CORIN: variants seen among roughly 807,000 people sequenced by gnomAD.
CORIN encodes the protein corin, serine peptidase, also known as atrial natriuretic peptide-converting enzyme.
CORIN carries 117 observed loss-of-function variants against 125.3 expected under a neutral mutation model. The ratio of observed to expected loss-of-function variants is 0.93; its 90% CI spans 0.80 to 1.09. The LOEUF is 1.09. Ranked by LOEUF, CORIN falls within the 50% of genes least tolerant of loss-of-function variation. The pLI, the probability that CORIN is intolerant of heterozygous loss-of-function variation, is 0.00. For synonymous variants in CORIN, 450 were observed against 466.4 expected (o/e 0.96, Z 0.45); for missense variants, 1,253 against 1,306.7 (o/e 0.96, Z 0.63).
chr4:47,755,557 A>G (rs1729098457), intron 4 of CORIN, among the ~76,000 whole-genome samples: 1 of 152,236 alleles, frequency 6.6e-6, no homozygotes, highest in African/African-American at 2.4e-5. Context: ...GAAGAAGCAC[A>G]GAGCTGCTAA....
In CORIN at chr4:47,786,853, G is replaced by A. The variant is rs1730838403; in HGVS notation, c.281C>T (p.Ser94Phe). The change falls in exon 3 of 22, where the codon TCC becomes TTC. Residue 94 changes from serine (S) to phenylalanine (F), a missense_variant. Transcript: ENST00000273857. ...AATTGTATTTGTAAGAATAACATCG[G>A]ACCCTTGGATTTCACCATCAGTGAC... ...PLVTDGEIQG[S>F]DVILTNTIYN... 3.7e-6 allele frequency: 6 copies of A among 1,613,736 alleles called. No individual in the cohort carries two copies. The highest frequency in any genetic ancestry group is 5.1e-6 in the Non-Finnish European group (6 of 1,179,710).
intron 16 of CORIN, among the ~76,000 whole-genome samples, chr4:47,629,913 A>C (rs2109575342): frequency 6.6e-6 from 1 of 152,222 alleles, no homozygotes; most frequent in Non-Finnish European, 1.5e-5. Flanking sequence ...AACATGCCCA[A>C]GGCACAAAAC....
intron 6 of CORIN, among the ~76,000 whole-genome samples, chr4:47,692,249 C>T (rs1183226213): frequency 1.3e-5 from 2 of 152,186 alleles, no homozygotes; most frequent in African/African-American, 4.8e-5. Flanking sequence ...GGAGATACTT[C>T]TGTTTTGAAT....
At chr4:47,761,480 T>TACAC (rs142904418) in intron 4 of CORIN, among the ~76,000 whole-genome samples, 1,899 of 144,460 alleles carry the variant, frequency 0.013, 23 homozygotes, top group African/African-American at 0.025. Context: ...GAAAATGTGA[T>TACAC]ACACACACAC....
intron 16 of CORIN, among the ~76,000 whole-genome samples, chr4:47,634,751 C>A (rs999882382): frequency 5.3e-5 from 8 of 152,236 alleles, no homozygotes; most frequent in Admixed American, 1.3e-4. Context: ...ATTGGTCCAT[C>A]TTGGGATAGG....
intron 1 of CORIN, among the ~76,000 whole-genome samples, chr4:47,832,735 C>T (rs1000053843): frequency 6.6e-6 from 1 of 151,962 alleles, no homozygotes; most frequent in African/African-American, 2.4e-5. Flanking sequence ...TGTGCCTTGG[C>T]CTAGGAAAAT....
chr4:47,756,565 T>C (rs1212812238), intron 4 of CORIN, among the ~76,000 whole-genome samples: 2 of 152,240 alleles, frequency 1.3e-5, no homozygotes, highest in Admixed American at 6.5e-5. Flanking sequence ...TGTAGTATAC[T>C]ATGGAAAATT....
intron 5 of CORIN, among the ~76,000 whole-genome samples, chr4:47,713,574 G>C (rs553760006): frequency 6.6e-6 from 1 of 152,122 alleles, no homozygotes; most frequent in African/African-American, 2.4e-5. Context: ...TCAGCCCTGC[G>C]TGGAGGCTCC....
At chr4:47,655,146 T>C (rs899726022) in intron 12 of CORIN, among the ~76,000 whole-genome samples, 6 of 151,914 alleles carry the variant, frequency 3.9e-5, no homozygotes, top group African/African-American at 1.5e-4. Flanking sequence ...AAAGAGCCCT[T>C]GGGCCCTGAA....
chr4:47,615,243 G>A (rs1722029575), intron 19 of CORIN, among the ~76,000 whole-genome samples: 2 of 152,188 alleles, frequency 1.3e-5, no homozygotes, highest in Admixed American at 6.5e-5. Context: ...AGGCTCCAAT[G>A]AAAAGATTTT....
At chr4:47,751,927 T>C (rs1267975554) in intron 4 of CORIN, among the ~76,000 whole-genome samples, 1 of 152,134 alleles carries the variant, frequency 6.6e-6, no homozygotes, top group Non-Finnish European at 1.5e-5. Context: ...TAGTTCCTAG[T>C]AAGACCCTCT....
chr4:47,726,687 A>G (rs1727611945), intron 5 of CORIN, among the ~76,000 whole-genome samples: 1 of 152,068 alleles, frequency 6.6e-6, no homozygotes, highest in Admixed American at 6.5e-5. Context: ...AGTGAATTTC[A>G]TTGTATGGAA....
In CORIN at chr4:47,743,245, T is replaced by A. The variant is rs1442327161; in HGVS notation, c.799+1157A>T. 2.0e-5 allele frequency among the ~76,000 whole-genome samples: 3 copies of A among 151,320 alleles called. No homozygotes were observed. In the East Asian group the frequency reaches 5.8e-4, roughly 29 times the overall value. On this transcript the variant is annotated intron_variant, in intron 5 of 21. Transcript: ENST00000273857. ...GATTGATATTATGGACCCATTAAAA[T>A]TAAGACCTTCTATTCCATCATAGAT...
intron 12 of CORIN, among the ~76,000 whole-genome samples, chr4:47,657,890 G>A (rs1052115535): frequency 6.6e-6 from 1 of 152,042 alleles, no homozygotes; most frequent in Non-Finnish European, 1.5e-5. Flanking sequence ...ATGAGATTTG[G>A]GTGGGGAAAA....
At position 47,705,342 on chromosome 4, in the gene CORIN, T is replaced by C. The variant is rs150878982; in HGVS notation, c.800-12259A>G. 3.9e-5 allele frequency among the ~76,000 whole-genome samples: 6 copies of C among 152,338 alleles called. No individual in the cohort carries two copies. The East Asian group carries it at 1.2e-3, about 29-fold the overall frequency. On this transcript the variant is annotated intron_variant, in intron 5 of 21. Coordinates refer to ENST00000273857, the MANE Select transcript of CORIN (RefSeq NM_006587.4). Reference sequence around the variant, plus strand: ...TCATAAACCATGCTTATATTTGTGATAGAACAAAAACTCTGTGAGGGCAGT... The same window carrying C: ...TCATAAACCATGCTTATATTTGTGACAGAACAAAAACTCTGTGAGGGCAGT...
chr4:47,737,547 A>T (rs988801171), intron 5 of CORIN, among the ~76,000 whole-genome samples: 1 of 152,066 alleles, frequency 6.6e-6, no homozygotes, highest in African/African-American at 2.4e-5. Flanking sequence ...TGTAGGCTTA[A>T]TACATTCCAG....
At chr4:47,737,052 G>T (rs1375679015) in intron 5 of CORIN, among the ~76,000 whole-genome samples, 1 of 152,232 alleles carries the variant, frequency 6.6e-6, no homozygotes, top group African/African-American at 2.4e-5. Context: ...AAATTATACT[G>T]CTCTGAGCAG....
intron 7 of CORIN, chr4:47,681,910 G>C (rs1182591659): frequency 6.6e-6 from 1 of 151,908 alleles, no homozygotes; most frequent in Non-Finnish European, 1.5e-5. Flanking sequence ...CAAAAAATGA[G>C]TGGAGAAGAA....
chr4:47,739,116 A>G (rs922529914), intron 5 of CORIN, among the ~76,000 whole-genome samples: 5 of 152,050 alleles, frequency 3.3e-5, no homozygotes, highest in Non-Finnish European at 7.4e-5. Context: ...GAAAGAGATA[A>G]AAGAATGAGT....
Sources: allele counts gnomAD v4.1 joint callset (sites outside exome capture counted in the v4.1 genomes callset), GRCh38; gene constraint gnomAD v4.1.1; transcripts MANE v1.5; gene names NCBI Gene and HGNC (gene_info 2026-07-23, HGNC 2026-07-21).